CHSY3: variants seen among roughly 807,000 people sequenced by gnomAD.
CHSY3 encodes N-acetylgalactosaminyl-proteoglycan 3-beta-glucuronosyltransferase 3.
Under a neutral mutation model 67.2 loss-of-function variants are expected in CHSY3, and 35 were observed. That is an observed-to-expected ratio of 0.52 (90% CI 0.40 to 0.69). The LOEUF (loss-of-function observed/expected upper bound fraction) is 0.69. CHSY3 is among the 30% of genes least tolerant of loss of function. The pLI is 0.00. For synonymous variants in CHSY3, 474 were observed against 434.7 expected (o/e 1.09, Z -1.12); for missense variants, 1,069 against 1,138.5 (o/e 0.94, Z 0.88).
intron 2 of CHSY3, among the ~76,000 whole-genome samples, chr5:129,963,043 C>T (rs932921289): frequency 6.6e-6 from 1 of 151,780 alleles, no homozygotes; most frequent in African/African-American, 2.4e-5. Flanking sequence ...GTTTCAGCTC[C>T]AGTGGTAAAG....
At position 130,000,734 on chromosome 5, in the gene CHSY3, T is replaced by TC. The variant is rs199961366; in HGVS notation, c.1086+92374_1086+92375insC. Among the ~76,000 whole-genome samples the TC allele has an allele frequency of 5.0e-3, 309 of 61,692 alleles. 3 individuals carry two copies. The highest frequency in any genetic ancestry group is 0.019 in the African/African-American group (293 of 15,466). The allele number at this position is 61,692 out of a possible 152,430, so 40.5% of individuals were successfully genotyped here. A position where few individuals can be genotyped will look rare whatever the true frequency, so the allele number is the denominator to read the frequency against. ...ACTACAAATGTGTAACTTTTCTTCT[T>TC]TTTTTTTTTTTTTTTTTTTTTTTTG... On this transcript the variant is annotated intron_variant, in intron 2 of 2. Transcript: ENST00000305031.
chr5:130,137,021 G>C (rs1274756837), intron 2 of CHSY3, among the ~76,000 whole-genome samples: 2 of 151,992 alleles, frequency 1.3e-5, no homozygotes, highest in Non-Finnish European at 2.9e-5. Flanking sequence ...GTTCAAAACT[G>C]TTTCCTACCT....
At chr5:129,915,389 G>C (rs1343834786) in intron 2 of CHSY3, among the ~76,000 whole-genome samples, 1 of 152,070 alleles carries the variant, frequency 6.6e-6, no homozygotes, top group East Asian at 1.9e-4. Flanking sequence ...ATATAAATCG[G>C]TTTGAGTCGT....
rs1762966118 is a variant in CHSY3, at chr5:129,981,031, C to A, written c.1086+72671C>A. 4.2e-5 allele frequency among the ~76,000 whole-genome samples: 6 copies of A among 142,752 alleles called. No homozygotes were observed. In the South Asian group the frequency reaches 1.4e-3, roughly 33 times the overall value. 93.7% of individuals were successfully genotyped at this position (142,752 alleles called of 152,430 possible). On this transcript the variant is annotated intron_variant, in intron 2 of 2. Transcript: ENST00000305031. Reference sequence around the variant, plus strand: ...ACCATCCTGGTTAACACGGTGAAACCCCGTCTCTACTGAAAATACAAAAAA... The same window carrying A: ...ACCATCCTGGTTAACACGGTGAAACACCGTCTCTACTGAAAATACAAAAAA...
chr5:129,925,019 T>C (rs1761055355), intron 2 of CHSY3, among the ~76,000 whole-genome samples: 1 of 152,202 alleles, frequency 6.6e-6, no homozygotes, highest in Admixed American at 6.5e-5. Context: ...CCTTGTGGAA[T>C]TTATATTTTC....
At chr5:130,002,748 T>A (rs191961927) in intron 2 of CHSY3, among the ~76,000 whole-genome samples, 289 of 152,214 alleles carry the variant, frequency 1.9e-3, no homozygotes, top group Non-Finnish European at 2.5e-3. Context: ...TCTTATAACA[T>A]CATGTTGTAT....
intron 2 of CHSY3, among the ~76,000 whole-genome samples, chr5:130,134,376 G>A (rs74291311): frequency 0.045 from 6,889 of 152,184 alleles, 428 homozygotes; most frequent in East Asian, 0.27. Flanking sequence ...TATTTTGGTA[G>A]CACACAAAAA....
intron 2 of CHSY3, among the ~76,000 whole-genome samples, chr5:130,011,803 TTC>T (rs1184098158): frequency 6.6e-6 from 1 of 152,080 alleles, no homozygotes; most frequent in Non-Finnish European, 1.5e-5. Context: ...AAATCAGTGT[TTC>T]TATACACAAA....
chr5:130,105,975 A>T (rs923192062), intron 2 of CHSY3, among the ~76,000 whole-genome samples: 4 of 151,552 alleles, frequency 2.6e-5, no homozygotes, highest in Admixed American at 1.3e-4. Context: ...TTTTTAAAAA[A>T]ATTCTGATAA....
intron 2 of CHSY3, among the ~76,000 whole-genome samples, chr5:129,930,937 A>G (rs1233962039): frequency 6.6e-6 from 1 of 152,122 alleles, no homozygotes; most frequent in Non-Finnish European, 1.5e-5. Flanking sequence ...CTTTATGCAA[A>G]TTTGTGTCTG....
At chr5:130,034,576 G>T (rs1764794675) in intron 2 of CHSY3, among the ~76,000 whole-genome samples, 1 of 152,060 alleles carries the variant, frequency 6.6e-6, no homozygotes, top group Non-Finnish European at 1.5e-5. Flanking sequence ...AGATAAAATG[G>T]TGAACAAAAC....
chr5:130,148,332 G>A (rs1436534564), intron 2 of CHSY3, among the ~76,000 whole-genome samples: 3 of 152,040 alleles, frequency 2.0e-5, no homozygotes, highest in Admixed American at 1.3e-4. Context: ...CATGTCTTTA[G>A]CATTGTTAAT....
chr5:130,147,092 C>G (rs762950270), intron 2 of CHSY3, among the ~76,000 whole-genome samples: 2 of 152,136 alleles, frequency 1.3e-5, no homozygotes, highest in African/African-American at 4.8e-5. Context: ...CTGTGCCAGG[C>G]CTTCATATGT....
intron 2 of CHSY3, chr5:130,142,017 C>G (rs1369581561): frequency 5.7e-6 from 1 of 175,978 alleles, no homozygotes; most frequent in South Asian, 1.4e-4. Flanking sequence ...AAATTTGTAG[C>G]AAATTCTGTG....
chr5:130,134,769 A>G (rs754365739), intron 2 of CHSY3, among the ~76,000 whole-genome samples: 4 of 152,158 alleles, frequency 2.6e-5, no homozygotes, highest in Non-Finnish European at 5.9e-5. Flanking sequence ...TAGAATTTTT[A>G]AAAATAAAGT....
At chr5:129,912,367 C>T (rs939954398) in intron 2 of CHSY3, among the ~76,000 whole-genome samples, 1 of 152,118 alleles carries the variant, frequency 6.6e-6, no homozygotes, top group East Asian at 1.9e-4. Context: ...AGTAGTATCT[C>T]ATTCTCCAGT....
At position 130,058,036 on chromosome 5, in the gene CHSY3, T is replaced by A. The variant is rs546198814; in HGVS notation, c.1087-126193T>A. ...ATTTGAGTCATCATTTCTCTTTTTT[T>A]AAAAATTCAGAACACAGTGAAATTG... On this transcript the variant is annotated intron_variant, in intron 2 of 2. Transcript: ENST00000305031. Among the ~76,000 whole-genome samples, 57 of 152,292 alleles carry A rather than the reference T, an allele frequency of 3.7e-4. No homozygotes were observed. In the East Asian group the frequency reaches 7.0e-3, roughly 19 times the overall value.
intron 2 of CHSY3, among the ~76,000 whole-genome samples, chr5:130,075,886 T>C (rs1041023825): frequency 1.3e-5 from 2 of 152,174 alleles, no homozygotes; most frequent in Admixed American, 1.3e-4. Flanking sequence ...TTATCATGTT[T>C]TCAAAAAGTA....
chr5:129,949,736 T>G (rs2149600191), intron 2 of CHSY3, among the ~76,000 whole-genome samples: 1 of 152,226 alleles, frequency 6.6e-6, no homozygotes, highest in East Asian at 1.9e-4. Flanking sequence ...AAACCAAATT[T>G]AATAGCACTT....
Sources: allele counts gnomAD v4.1 joint callset (sites outside exome capture counted in the v4.1 genomes callset), GRCh38; gene constraint gnomAD v4.1.1; transcripts MANE v1.5; gene names NCBI Gene and HGNC (gene_info 2026-07-23, HGNC 2026-07-21).